SCFD2: variants seen among roughly 807,000 people sequenced by gnomAD.
SCFD2 encodes the protein sec1 family domain-containing protein 2.
A neutral mutation model predicts 58.9 loss-of-function variants in SCFD2; 54 were observed. The observed-to-expected ratio is 0.92, with a 90% CI of 0.74 to 1.15. SCFD2 has a LOEUF of 1.15. Among genes scored for constraint, SCFD2 ranks in the 50% most tolerant of loss-of-function variants. The probability of loss-of-function intolerance (pLI) is 0.00; values close to 1 mark genes in which losing one functional copy is unlikely to be tolerated. For missense variants in SCFD2, 805 were observed against 836.6 expected, an observed-to-expected ratio of 0.96 and a Z score of 0.47; for synonymous variants, 321 against 335.9, an observed-to-expected ratio of 0.96 and a Z score of 0.49.
intron 1 of SCFD2, among the ~76,000 whole-genome samples, chr4:53,363,696 G>A (rs1375353372): frequency 6.6e-6 from 1 of 151,784 alleles, no homozygotes; most frequent in East Asian, 2.0e-4. Context: ...AGTGGCGGGC[G>A]CCTGTAGTCC....
At chr4:52,973,735 A>G (rs1721173992) in intron 5 of SCFD2, among the ~76,000 whole-genome samples, 1 of 152,252 alleles carries the variant, frequency 6.6e-6, no homozygotes, top group Non-Finnish European at 1.5e-5. Context: ...TTTTAGACCA[A>G]TATCCCTGAT....
chr4:53,259,957 G>GT (rs1357535220), intron 4 of SCFD2, among the ~76,000 whole-genome samples: 11 of 109,230 alleles, frequency 1.0e-4, no homozygotes, highest in Non-Finnish European at 1.9e-4. Flanking sequence ...ATATAACCAG[G>GT]TATTTTTTTT....
intron 1 of SCFD2, among the ~76,000 whole-genome samples, chr4:53,359,745 A>G (rs1734500398): frequency 6.6e-6 from 1 of 152,180 alleles, no homozygotes; most frequent in Non-Finnish European, 1.5e-5. Flanking sequence ...CAGCTCCCTA[A>G]GCTTGCTGCA....
intron 4 of SCFD2, among the ~76,000 whole-genome samples, chr4:53,256,105 G>A (rs1399134982): frequency 2.0e-4 from 30 of 148,272 alleles, no homozygotes; most frequent in South Asian, 1.7e-3. Flanking sequence ...GCTGCCGGGC[G>A]GAGACGCTCC....
At chr4:52,960,439 G>A (rs1453795960) in intron 5 of SCFD2, among the ~76,000 whole-genome samples, 1 of 151,144 alleles carries the variant, frequency 6.6e-6, no homozygotes, top group Non-Finnish European at 1.5e-5. Context: ...CGCGATCTTG[G>A]CTCACCACAA....
intron 5 of SCFD2, among the ~76,000 whole-genome samples, chr4:53,035,559 T>A (rs1338334533): frequency 2.0e-5 from 3 of 152,032 alleles, no homozygotes; most frequent in African/African-American, 7.3e-5. Context: ...TGGGAGAAAA[T>A]TTCTGCAATC....
At chr4:52,980,308 C>T (rs895531447) in intron 5 of SCFD2, among the ~76,000 whole-genome samples, 2 of 152,126 alleles carry the variant, frequency 1.3e-5, no homozygotes, top group African/African-American at 4.8e-5. Context: ...ATGATTATTC[C>T]TGGTTTACAG....
intron 2 of SCFD2, among the ~76,000 whole-genome samples, chr4:53,333,510 TA>T (rs1663472015): frequency 6.6e-6 from 1 of 151,118 alleles, no homozygotes; most frequent in Non-Finnish European, 1.5e-5. Context: ...AAGGATTCCC[TA>T]TTAAATAAAT....
chr4:53,100,921 C>T (rs1724814736), intron 5 of SCFD2, among the ~76,000 whole-genome samples: 1 of 152,068 alleles, frequency 6.6e-6, no homozygotes, highest in Admixed American at 6.6e-5. Flanking sequence ...ATAATCACCA[C>T]GACCCCCAAA....
chr4:53,329,050 G>C (rs1386387519), intron 2 of SCFD2, among the ~76,000 whole-genome samples: 1 of 152,210 alleles, frequency 6.6e-6, no homozygotes, highest in Non-Finnish European at 1.5e-5. Context: ...GTTAAAAAAC[G>C]GCACACCACG....
intron 3 of SCFD2, among the ~76,000 whole-genome samples, chr4:53,296,053 C>T (rs571183128): frequency 7.9e-5 from 12 of 151,958 alleles, no homozygotes; most frequent in South Asian, 4.1e-4. Context: ...ATTTTATTGA[C>T]GATTTTCACA....
At chr4:53,182,814 A>AC (rs1363628287) in intron 4 of SCFD2, among the ~76,000 whole-genome samples, 11 of 151,820 alleles carry the variant, frequency 7.2e-5, no homozygotes, top group South Asian at 4.1e-4. Flanking sequence ...CAAGAAAAAA[A>AC]AAACAACCCC....
At chr4:53,018,007 GCT>G (rs995842692) in intron 5 of SCFD2, among the ~76,000 whole-genome samples, 10 of 152,118 alleles carry the variant, frequency 6.6e-5, no homozygotes, top group African/African-American at 2.4e-4. Context: ...TATCCATCCT[GCT>G]CTCTTTCCTT....
intron 7 of SCFD2, among the ~76,000 whole-genome samples, chr4:52,903,205 G>A (rs1436015054): frequency 6.6e-6 from 1 of 152,210 alleles, no homozygotes; most frequent in African/African-American, 2.4e-5. Context: ...GGAGAAGAGA[G>A]CATCAGATTT....
At chr4:53,061,358 G>A (rs1723504348) in intron 5 of SCFD2, among the ~76,000 whole-genome samples, 1 of 152,134 alleles carries the variant, frequency 6.6e-6, no homozygotes, top group Non-Finnish European at 1.5e-5. Context: ...GAAGCCCAGA[G>A]AAGTTCAATA....
intron 5 of SCFD2, among the ~76,000 whole-genome samples, chr4:52,965,837 G>T (rs1180155073): frequency 6.6e-6 from 1 of 152,206 alleles, no homozygotes; most frequent in East Asian, 1.9e-4. Context: ...CATGGTTGTG[G>T]TCTCTTTTCT....
intron 5 of SCFD2, chr4:52,950,547 G>A (rs559144845): frequency 2.0e-5 from 3 of 152,198 alleles, no homozygotes; most frequent in Non-Finnish European, 4.4e-5. Context: ...AAAATACCTA[G>A]AGCAGAAATG....
chr4:52,907,831 T>C (rs1394151416), intron 6 of SCFD2, among the ~76,000 whole-genome samples: 3 of 152,114 alleles, frequency 2.0e-5, no homozygotes, highest in African/African-American at 7.2e-5. Context: ...TCATGCTCCC[T>C]TCTACAAGCA....
chr4:53,245,775 C>G (rs1730049253), intron 4 of SCFD2, among the ~76,000 whole-genome samples: 2 of 152,160 alleles, frequency 1.3e-5, no homozygotes, highest in African/African-American at 4.8e-5. Context: ...GAAGCATTCC[C>G]TTTGAAAACT....
Sources: allele counts gnomAD v4.1 joint callset (sites outside exome capture counted in the v4.1 genomes callset), GRCh38; gene constraint gnomAD v4.1.1; transcripts MANE v1.5; gene names NCBI Gene and HGNC (gene_info 2026-07-23, HGNC 2026-07-21).